The following ADCY9 variants were observed in gnomAD, a reference collection of about 807,000 sequenced individuals.
ADCY9 encodes the protein adenylate cyclase 9.
Under a neutral mutation model 101.5 loss-of-function variants are expected in ADCY9, and 50 were observed. The observed-to-expected ratio is 0.49, with a 90% confidence interval of 0.39 to 0.62. The LOEUF (loss-of-function observed/expected upper bound fraction) is 0.62. ADCY9 is among the 20% of genes least tolerant of loss of function. ADCY9 has a pLI of 0.00. For missense variants in ADCY9, 1,662 were observed against 1,800.4 expected (o/e 0.92, Z 1.39); for synonymous variants, 905 against 769.3 (o/e 1.18, Z -2.92).
rs1703077888 is a variant in ADCY9 at position 3,977,496 on chromosome 16, G to A, written c.2814C>T (p.Ser938=). Residue 938 remains serine, a synonymous_variant, in exon 9 of 11, where the codon TCC becomes TCT. Coordinates refer to ENST00000294016, the MANE Select transcript of ADCY9 (RefSeq NM_001116.4). ...TGGCCGCGTACCTGTCTGGGCACAGGGAGACGTAGAGCAGGAGCAGCGGCC... is the reference window on the plus strand; with the variant it reads ...TGGCCGCGTACCTGTCTGGGCACAGAGAGACGTAGAGCAGGAGCAGCGGCC... The part of the protein sequence containing the change: ...GAGPLLLLYV[S]LCPDSSVLTS... 1.9e-6 allele frequency: 3 copies of A among 1,568,982 alleles called. No homozygotes were observed. The highest frequency in any genetic ancestry group is 2.6e-6 in the Non-Finnish European group (3 of 1,157,238).
chr16:3,954,717 G>C (rs1306719367), intron 5 of ADCY9, among the ~76,000 whole-genome samples: 1 of 152,108 alleles, frequency 6.6e-6, no homozygotes, highest in African/African-American at 2.4e-5. Context: ...GGCCATCTCA[G>C]AGCAGCCGCA....
At chr16:3,969,669 C>T (rs1466104730) in intron 10 of ADCY9, among the ~76,000 whole-genome samples, 1 of 135,700 alleles carries the variant, frequency 7.4e-6, no homozygotes, top group Non-Finnish European at 1.6e-5. Context: ...AGCTGGACTG[C>T]AGTGGTGCGA....
Position 3,978,384 on chromosome 16 carries a change from T to C in ADCY9, c.2679+732A>G, listed in dbSNP as rs576793178. The stretch of plus-strand genomic sequence containing the variant: ...CCAGAAGGATCATCTCCCACGGCCG[T>C]GCTGGTTCCCTCTCCACGGAGTTTA... On this transcript the variant is annotated intron_variant, in intron 8 of 10. Coordinates refer to ENST00000294016, the MANE Select transcript of ADCY9 (RefSeq NM_001116.4). 9.2e-5 allele frequency among the ~76,000 whole-genome samples: 14 copies of C among 152,304 alleles called. No individual in the cohort carries two copies. The South Asian group carries it at 2.9e-3, about 32-fold the overall frequency.
intron 2 of ADCY9, among the ~76,000 whole-genome samples, chr16:4,102,708 A>G (rs2057051289): frequency 6.6e-6 from 1 of 151,276 alleles, no homozygotes; most frequent in African/African-American, 2.4e-5. Context: ...TACAGGCGTG[A>G]CTCACTGCGC....
In ADCY9 at chr16:4,069,716, C is replaced by G. The variant is rs1032739656; in HGVS notation, c.1693+44034G>C. Among the ~76,000 whole-genome samples the G allele has an allele frequency of 2.6e-5, 4 of 152,180 alleles. No individual in the cohort carries two copies. The East Asian group carries it at 7.7e-4, about 29-fold the overall frequency. On this transcript the variant is annotated intron_variant, in intron 2 of 10. Coordinates refer to ENST00000294016, the MANE Select transcript of ADCY9 (RefSeq NM_001116.4). ...CTCTCCCAGGATTCGGACAGTGTTA[C>G]AGTTCTTACTTCTGTTCTTTAGAAG... is the stretch of plus-strand genomic sequence containing the variant.
At chr16:4,097,549 A>ATTTTTT (rs71394654) in intron 2 of ADCY9, among the ~76,000 whole-genome samples, 21 of 48,216 alleles carry the variant, frequency 4.4e-4, no homozygotes, top group Non-Finnish European at 5.8e-4. Context: ...ATATATATAT[A>ATTTTTT]TATATTTTTT....
At position 4,114,541 on chromosome 16, in the gene ADCY9, A is replaced by G. The variant is rs754624245; in HGVS notation, c.902T>C (p.Met301Thr). 1 of 1,614,156 alleles carries G rather than the reference A, an allele frequency of 6.2e-7. No individual in the cohort carries two copies. ...IHAIGVHLFV[M>T]SQVRSRSTFL... is the part of the protein sequence containing the mutation. ...GGTGCTCCTGGACCTCACCTGGGAC[A>G]TGACGAACAGGTGGACCCCGATGGC... Residue 301 changes from methionine to threonine, a missense_variant, in exon 2 of 11, where the codon ATG becomes ACG. Around this residue, in one of 5 missense-constraint regions of ADCY9, gnomAD observed 228 missense variants for 301.1 expected, o/e 0.76. Transcript: ENST00000294016. The surrounding 1 kb of genome is among the most constrained non-coding windows in gnomAD (Gnocchi z 4.3).
chr16:4,078,745 G>T (rs905921535), intron 2 of ADCY9, among the ~76,000 whole-genome samples: 1 of 151,910 alleles, frequency 6.6e-6, no homozygotes, highest in Non-Finnish European at 1.5e-5. Flanking sequence ...GAAATATCAC[G>T]ATTGAAAGAC....
Position 4,114,085 on chromosome 16 carries a change from T to C in ADCY9, c.1358A>G (p.Glu453Gly). 1 of 1,613,762 alleles carries C rather than the reference T, an allele frequency of 6.2e-7. No individual in the cohort carries two copies. The highest frequency in any genetic ancestry group is 8.5e-7 in the Non-Finnish European group (1 of 1,180,026). ...DCYYCVAGCP[E>G]PRADHAYCCI... is the part of the protein sequence containing the mutation. The stretch of plus-strand genomic sequence containing the variant: ...GCAGTAGGCATGGTCGGCCCGGGGC[T>C]CGGGACAGCCCGCCACGCAGTAGTA... Residue 453 changes from glutamate to glycine, a missense_variant, in exon 2 of 11, where the codon GAG becomes GGG. By Grantham distance (98) the Glu-to-Gly change is moderately conservative (BLOSUM62 -2). Transcript: ENST00000294016. The surrounding 1 kb of genome is among the most constrained non-coding windows in gnomAD (Gnocchi z 4.3).
intron 2 of ADCY9, among the ~76,000 whole-genome samples, chr16:4,009,740 T>C (rs917220925): frequency 6.6e-6 from 1 of 152,248 alleles, no homozygotes; most frequent in African/African-American, 2.4e-5. Context: ...TTCTCGGACC[T>C]GTCCCAGGCG....
intron 2 of ADCY9, among the ~76,000 whole-genome samples, chr16:4,024,153 G>A (rs2056497576): frequency 1.3e-5 from 2 of 151,918 alleles, no homozygotes; most frequent in East Asian, 3.9e-4. Flanking sequence ...CTCCTGAGTA[G>A]CTGGGATTAC....
At chr16:3,978,638 G>A (rs1470251998) in intron 8 of ADCY9, among the ~76,000 whole-genome samples, 1 of 152,270 alleles carries the variant, frequency 6.6e-6, no homozygotes, top group East Asian at 1.9e-4. Context: ...ATCTGGGCAG[G>A]CCAATGCTAA....
downstream of ADCY9, among the ~76,000 whole-genome samples, chr16:3,960,920 C>T (rs62036941): frequency 1.3e-5 from 2 of 152,150 alleles, no homozygotes; most frequent in Non-Finnish European, 2.9e-5. Context: ...TTTTCTTAAT[C>T]GCTTCCTCTT....
At chr16:4,040,119 T>A (rs1360537965) in intron 2 of ADCY9, among the ~76,000 whole-genome samples, 2 of 152,176 alleles carry the variant, frequency 1.3e-5, no homozygotes, top group Non-Finnish European at 2.9e-5. Flanking sequence ...ATAACTCCAA[T>A]GGCGGCATTC....
intron 2 of ADCY9, among the ~76,000 whole-genome samples, chr16:4,065,179 C>G (rs1448854744): frequency 6.6e-6 from 1 of 152,170 alleles, no homozygotes; most frequent in African/African-American, 2.4e-5. Context: ...CACAGTAATT[C>G]ACTTAGATCT....
chr16:4,031,108 C>T lies in ADCY9; in HGVS notation c.1694-23550G>A, dbSNP rs148455933. ...TCCCTGATTGGATCCTGGATGAACA[C>T]CATAAAAGCTCTAAAGGATACTGTT... On this transcript the variant is annotated intron_variant, in intron 2 of 10. Coordinates refer to ENST00000294016, the MANE Select transcript of ADCY9 (RefSeq NM_001116.4). Among the ~76,000 whole-genome samples the T allele has an allele frequency of 4.9e-3, 753 of 152,174 alleles. 6 individuals are homozygous for T. Among genetic ancestry groups the T allele is most frequent in the African/African-American group, 0.016 (672 of 41,500 alleles).
In ADCY9 at chr16:4,112,239, G is replaced by A. The variant is rs183787507; in HGVS notation, c.1693+1511C>T. ...CCCTAAACGGAAAGACACTCATCAC[G>A]GCAGCATCTTTCAAGTGAACAGAAA... On this transcript the variant is annotated intron_variant, in intron 2 of 10. Coordinates refer to ENST00000294016, the MANE Select transcript of ADCY9 (RefSeq NM_001116.4). Among the ~76,000 whole-genome samples, 200 of 152,284 alleles carry A rather than the reference G, an allele frequency of 1.3e-3. 2 individuals carry two copies. The highest frequency in any genetic ancestry group is 3.9e-4 in the East Asian group (2 of 5,184).
chr16:3,979,893 T>C (rs1045686216), intron 7 of ADCY9, among the ~76,000 whole-genome samples: 1 of 152,252 alleles, frequency 6.6e-6, no homozygotes, highest in Non-Finnish European at 1.5e-5. Context: ...ACAAACAGGG[T>C]GCTCTGTGGT....
intron 2 of ADCY9, among the ~76,000 whole-genome samples, chr16:4,069,089 T>C (rs1045422134): frequency 6.6e-6 from 1 of 152,158 alleles, no homozygotes; most frequent in Non-Finnish European, 1.5e-5. Flanking sequence ...ACATGTGAAA[T>C]TCTGAAGATA....
Sources: gnomAD v4.1 joint callset for allele counts (sites outside exome capture counted in the v4.1 genomes callset) on GRCh38, gnomAD v4.1.1 for gene constraint, gnomAD v4.1.1 regional missense constraint, Gnocchi (gnomAD v3.1) non-coding constraint, MANE v1.5 for transcripts, NCBI Gene and HGNC (gene_info 2026-07-23, HGNC 2026-07-21) for gene names.